The following WAS variants were observed in gnomAD, a reference collection of about 807,000 sequenced individuals.
WAS encodes WASP actin nucleation promoting factor.
Under a neutral mutation model 38.9 loss-of-function variants are expected in WAS, and 1 was observed. The ratio of observed to expected loss-of-function variants is 0.03; its 90% CI spans 0.01 to 0.12. The LOEUF (loss-of-function observed/expected upper bound fraction) is 0.12. Among genes scored for constraint, WAS ranks in the 10% least tolerant of loss-of-function variants. The pLI is 1.00. For synonymous variants in WAS, 182 were observed against 173.6 expected (o/e 1.05, Z -0.38); for missense variants, 311 against 431.2 (o/e 0.72, Z 2.47).
Position 48,689,561 on chromosome X carries a change from G to C in WAS, c.1453+127G>C, listed in dbSNP as rs1188473219. 7.0e-6 allele frequency: 4 copies of C among 573,778 alleles called. No homozygotes were observed. In the East Asian group the frequency reaches 1.4e-4, roughly 21 times the overall value. The allele number at this position is 573,778 out of a possible 1,213,427, so 47.3% of individuals were successfully genotyped here. A position where few individuals can be genotyped will look rare whatever the true frequency, so the allele number is the denominator to read the frequency against. ...GTTTGACAGCATTAACATGAATCTT[G>C]TGTCAGCCTCGTTTTTGACAATGTT... On this transcript the variant is annotated intron_variant, in intron 11 of 11. Transcript: ENST00000376701.
At position 48,686,104 on chromosome X, in the gene WAS, C is replaced by A; in HGVS notation, c.529C>A (p.Leu177Met). 2.5e-6 allele frequency: 3 copies of A among 1,212,381 alleles called. No homozygotes were observed. Among genetic ancestry groups the A allele is most frequent in the Non-Finnish European group, 3.3e-6 (3 of 895,605 alleles). ...NEERRGGLPP[L>M]PLHPGGDQGG... Reference sequence around the variant, plus strand: ...AGAGAGAAGAGGAGGGCTCCCACCCCTGCCCCTGCATCCAGGTGGAGACCA... The same window carrying A: ...AGAGAGAAGAGGAGGGCTCCCACCCATGCCCCTGCATCCAGGTGGAGACCA... Residue 177 changes from leucine to methionine, a missense_variant, in exon 6 of 12, where the codon CTG becomes ATG. Leu to Met is a conservative substitution (Grantham distance 15). Transcript: ENST00000376701.
intron 2 of WAS, among the ~76,000 whole-genome samples, chrX:48,684,786 G>T (rs191140821): frequency 9.0e-6 from 1 of 111,621 alleles, no homozygotes; most frequent in Admixed American, 9.5e-5. Flanking sequence ...CCAGATGTTT[G>T]CCAAGCTCCT....
In WAS at chrX:48,684,431, C is replaced by T; in HGVS notation, c.273+8C>T. On this transcript the variant is annotated splice_region_variant and intron_variant, in intron 2 of 11. Coordinates refer to ENST00000376701, the MANE Select transcript of WAS (RefSeq NM_000377.3). ...CGCCTTTACGGCCTTCAGGTGACCCCCCCACCCCCGACTGGACTTGCAAGC... is the reference window on the plus strand; with the variant it reads ...CGCCTTTACGGCCTTCAGGTGACCCTCCCACCCCCGACTGGACTTGCAAGC... 1 of 1,203,764 alleles carries T rather than the reference C, an allele frequency of 8.3e-7. No individual in the cohort carries two copies. The highest frequency in any genetic ancestry group is 1.1e-6 in the Non-Finnish European group (1 of 891,719).
chrX:48,689,823 C>T (rs2062434133), intron 11 of WAS, among the ~76,000 whole-genome samples: 1 of 108,248 alleles, frequency 9.2e-6, no homozygotes, highest in South Asian at 4.1e-4. Context: ...AGTGAGACCT[C>T]GTTTCCATAA....
intron 11 of WAS, among the ~76,000 whole-genome samples, chrX:48,690,356 C>G (rs1304592932): frequency 9.1e-6 from 1 of 110,480 alleles, no homozygotes; most frequent in Non-Finnish European, 1.9e-5. Flanking sequence ...TCATGTTGCC[C>G]AGGCTGCTCT....
chrX:48,678,591 T>TTAC (rs2062395288), intron 1 of WAS, among the ~76,000 whole-genome samples: 1 of 111,878 alleles, frequency 8.9e-6, no homozygotes, highest in Non-Finnish European at 1.9e-5. Flanking sequence ...GTTTGCTGTA[T>TTAC]TACTGTGAAG....
At chrX:48,677,801 T>C (rs1557005396) in intron 1 of WAS, among the ~76,000 whole-genome samples, 1 of 112,170 alleles carries the variant, frequency 8.9e-6, no homozygotes, top group Non-Finnish European at 1.9e-5. Flanking sequence ...CCCTGAGTCG[T>C]TTTTCTTCCC....
Position 48,686,090 on chromosome X carries a change from G to A in WAS, c.515G>A (p.Gly172Glu). ...CATTCCATCTTCCCAGAGAGAAGAG[G>A]AGGGCTCCCACCCCTGCCCCTGCAT... Reference protein sequence around the residue: ...PPTPANEERRGGLPPLPLHPG... With the variant: ...PPTPANEERREGLPPLPLHPG... The change falls in exon 6 of 12, where the codon GGA (glycine) becomes GAA (glutamate). Residue 172 changes from glycine (G) to glutamate (E), a missense_variant. Transcript: ENST00000376701. The A allele has an allele frequency of 1.6e-6, 2 of 1,212,209 alleles. No homozygotes were observed. Among genetic ancestry groups the A allele is most frequent in the Non-Finnish European group, 2.2e-6 (2 of 895,594 alleles).
chrX:48,688,109 A>G lies in WAS; in HGVS notation c.777+13A>G. On this transcript the variant is annotated intron_variant, in intron 8 of 11. Transcript: ENST00000376701. ...GAATGGATTTGACGTGAGTAACTTC[A>G]GAGTCTCTTGGACTCCACTAAACTT... 1 of 1,201,909 alleles carries G rather than the reference A, an allele frequency of 8.3e-7. No individual in the cohort carries two copies. Among genetic ancestry groups the G allele is most frequent in the Non-Finnish European group, 1.1e-6 (1 of 890,037 alleles).
chrX:48,680,331 C>T (rs2062398338), upstream of WAS, among the ~76,000 whole-genome samples: 1 of 110,894 alleles, frequency 9.0e-6, no homozygotes, highest in Non-Finnish European at 1.9e-5. Flanking sequence ...ATGTCAGAGG[C>T]GTTTGAACCA....
chrX:48,688,297 C>A lies in WAS; in HGVS notation c.778-3C>A. The stretch of plus-strand genomic sequence containing the variant: ...TGCCCCTGGCCTTTTTCCTCCTGGG[C>A]AGGTGAACAACCTCGACCCAGATCT... On this transcript the variant is annotated splice_polypyrimidine_tract_variant and splice_region_variant and intron_variant, in intron 8 of 11. Transcript: ENST00000376701. 1 of 1,202,045 alleles carries A rather than the reference C, an allele frequency of 8.3e-7. No individual in the cohort carries two copies. The highest frequency in any genetic ancestry group is 3.0e-5 in the East Asian group (1 of 33,500).
At chrX:48,682,412 G>T (rs55789731), upstream of WAS, among the ~76,000 whole-genome samples, 1 of 111,913 alleles carries the variant, frequency 8.9e-6, no homozygotes, top group African/African-American at 3.2e-5. Flanking sequence ...CTCGCACTCC[G>T]GGCAAAGGGG....
intron 2 of WAS, among the ~76,000 whole-genome samples, chrX:48,685,021 A>G (rs2062414667): frequency 9.0e-6 from 1 of 111,536 alleles, no homozygotes; most frequent in East Asian, 2.8e-4. Flanking sequence ...ACCCATAAAG[A>G]TGGACCCAGC....
chrX:48,684,024 G>A lies in WAS; in HGVS notation c.132+39G>A, dbSNP rs782029725. 13 of 1,194,481 alleles carry A rather than the reference G, an allele frequency of 1.1e-5. No individual in the cohort carries two copies. The Admixed American group carries it at 1.6e-4, about 14-fold the overall frequency. On this transcript the variant is annotated intron_variant, in intron 1 of 11. Coordinates refer to ENST00000376701, the MANE Select transcript of WAS (RefSeq NM_000377.3). ...CTCCTGCCCCCGCCCCGTCCCCACC[G>A]TTTCTTCCTCTTCCTCTCCTCCTTC...
chrX:48,685,387 A>G (rs1158451236), intron 2 of WAS, among the ~76,000 whole-genome samples, 160 bp from the exon 3 acceptor site: 8 of 111,243 alleles, frequency 7.2e-5, no homozygotes, highest in African/African-American at 2.6e-4. Context: ...CCCACAATCC[A>G]CACCCTTAGA....
In WAS at chrX:48,684,010, G is replaced by A. The variant is rs782214680; in HGVS notation, c.132+25G>A. On this transcript the variant is annotated intron_variant, in intron 1 of 11. Transcript: ENST00000376701. Reference sequence around the variant, plus strand: ...GGTGAGCTGGGGATCTCCTGCCCCCGCCCCGTCCCCACCGTTTCTTCCTCT... The same window carrying A: ...GGTGAGCTGGGGATCTCCTGCCCCCACCCCGTCCCCACCGTTTCTTCCTCT... 2.3e-5 allele frequency: 28 copies of A among 1,200,019 alleles called. 1 individual carries two copies. The East Asian group carries it at 6.9e-4, about 29-fold the overall frequency.
rs2062432866 is a variant in WAS at position 48,689,441 on chromosome X, T to C, written c.1453+7T>C. The C allele has an allele frequency of 5.8e-6, 7 of 1,199,042 alleles. No homozygotes were observed. The highest frequency in any genetic ancestry group is 7.9e-6 in the Non-Finnish European group (7 of 887,975). ...AGAGCCATCCACTCCTCCGGTGAGC[T>C]GATCCTGCCGGGGCCTCAAACCTGG... On this transcript the variant is annotated splice_region_variant and intron_variant, in intron 11 of 11. Coordinates refer to ENST00000376701, the MANE Select transcript of WAS (RefSeq NM_000377.3).
rs782527416 is a variant in WAS at position 48,685,543 on chromosome X, C to T, written c.274-4C>T. ...ACTGTGCCTCCCACCCTACACCTCT[C>T]CAGGCTGGTCGGCTGCTCTGGGAAC... On this transcript the variant is annotated splice_polypyrimidine_tract_variant and splice_region_variant and intron_variant, in intron 2 of 11. Transcript: ENST00000376701. The T allele has an allele frequency of 1.4e-5, 17 of 1,189,466 alleles. No individual in the cohort carries two copies. Among genetic ancestry groups the T allele is most frequent in the Non-Finnish European group, 1.9e-5 (17 of 884,878 alleles).
chrX:48,685,995 C>T lies in WAS; in HGVS notation c.505+8C>T. Reference sequence around the variant, plus strand: ...CAACACCAGCCAATGAAGGTGAGTCCTCTAGTGCAAGTAGGGGTAATAAGG... The same window carrying T: ...CAACACCAGCCAATGAAGGTGAGTCTTCTAGTGCAAGTAGGGGTAATAAGG... On this transcript the variant is annotated splice_region_variant and intron_variant, in intron 5 of 11. Transcript: ENST00000376701. 1 of 1,211,724 alleles carries T rather than the reference C, an allele frequency of 8.3e-7. No homozygotes were observed. Among genetic ancestry groups the T allele is most frequent in the Non-Finnish European group, 1.1e-6 (1 of 895,370 alleles).
Sources: gnomAD v4.1 joint callset for allele counts (sites outside exome capture counted in the v4.1 genomes callset) on GRCh38, gnomAD v4.1.1 for gene constraint, MANE v1.5 for transcripts, NCBI Gene and HGNC (gene_info 2026-07-23, HGNC 2026-07-21) for gene names.